Variants in CGNL1 observed in about 807,000 individuals in gnomAD.
The protein encoded by CGNL1 is cingulin like 1, also known as cingulin-like protein 1.
CGNL1 carries 132 observed loss-of-function variants against 141.2 expected under a neutral mutation model. The ratio of observed to expected loss-of-function variants is 0.93; its 90% CI spans 0.81 to 1.08. The LOEUF (loss-of-function observed/expected upper bound fraction) is 1.08. Among genes scored for constraint, CGNL1 ranks in the 50% least tolerant of loss-of-function variants. The probability of loss-of-function intolerance (pLI) is 0.00; values close to 1 mark genes in which losing one functional copy is unlikely to be tolerated. For synonymous variants in CGNL1, 690 were observed against 622.1 expected (o/e 1.11, Z -1.63); for missense variants, 1,870 against 1,588.6 (o/e 1.18, Z -3.01).
chr15:57,452,077 G>C lies in CGNL1; in HGVS notation c.1906-64G>C, dbSNP rs545196070. 17 of 1,426,442 alleles carry C rather than the reference G, an allele frequency of 1.2e-5. No homozygotes were observed. The East Asian group carries it at 4.0e-4, about 34-fold the overall frequency. The allele number at this position is 1,426,442 out of a possible 1,614,324, so 88.4% of individuals were successfully genotyped here. A position where few individuals can be genotyped will look rare whatever the true frequency, so the allele number is the denominator to read the frequency against. Reference sequence around the variant, plus strand: ...TATGGAGTCTGCTTGTTGAGAAGTAGGCTTCTGTGGGGTTACGTTAATGTA... The same window carrying C: ...TATGGAGTCTGCTTGTTGAGAAGTACGCTTCTGTGGGGTTACGTTAATGTA... On this transcript the variant is annotated intron_variant, in intron 5 of 18. Transcript: ENST00000281282.
At chr15:57,448,519 G>A (rs1017688948) in intron 4 of CGNL1, among the ~76,000 whole-genome samples, 2 of 151,980 alleles carry the variant, frequency 1.3e-5, no homozygotes, top group East Asian at 1.9e-4. Flanking sequence ...GTGATGGTGC[G>A]CACCTGTAAC....
chr15:57,476,019 T>G (rs1763027237), intron 8 of CGNL1, among the ~76,000 whole-genome samples: 1 of 152,126 alleles, frequency 6.6e-6, no homozygotes, highest in Admixed American at 6.5e-5. Flanking sequence ...TTTTGTTTGT[T>G]TACTCAACAC....
At chr15:57,526,086 A>T (rs1312504322) in intron 12 of CGNL1, among the ~76,000 whole-genome samples, 1 of 151,980 alleles carries the variant, frequency 6.6e-6, no homozygotes, top group Non-Finnish European at 1.5e-5. Context: ...AAACATAGAG[A>T]TCCTCTAGTT....
intron 8 of CGNL1, among the ~76,000 whole-genome samples, chr15:57,480,008 G>C (rs1176159570): frequency 6.6e-6 from 1 of 152,202 alleles, no homozygotes; most frequent in Non-Finnish European, 1.5e-5. Context: ...TTCTGCTCCA[G>C]GAATTTTGGC....
intron 8 of CGNL1, among the ~76,000 whole-genome samples, chr15:57,497,843 G>C (rs191968888): frequency 6.6e-6 from 1 of 152,232 alleles, no homozygotes; most frequent in Non-Finnish European, 1.5e-5. Context: ...AAGCCCAGCT[G>C]TTGTATAGGG....
intron 1 of CGNL1, among the ~76,000 whole-genome samples, chr15:57,430,958 G>A (rs1476191718): frequency 1.3e-5 from 2 of 152,116 alleles, no homozygotes; most frequent in African/African-American, 4.8e-5. Flanking sequence ...CTGGCCGCAG[G>A]TGATCAACCT....
chr15:57,461,762 G>A lies in CGNL1; in HGVS notation c.2273G>A (p.Arg758His), dbSNP rs745386445. Residue 758 changes from arginine (R) to histidine (H), a missense_variant, in exon 8 of 19, where the codon CGT becomes CAT. Physicochemically the swap from Arg to His is conservative, Grantham distance 29. Transcript: ENST00000281282. ...GAAGACCTCTTGAGAAAGCGAGAGC[G>A]TGAACTCACCGCCCTGAAGGGAGCC... ...EQEDLLRKRERELTALKGALK... is the reference protein window; with the variant it reads ...EQEDLLRKREHELTALKGALK... The A allele has an allele frequency of 2.6e-5, 42 of 1,613,994 alleles. No individual in the cohort carries two copies. Among genetic ancestry groups the A allele is most frequent in the East Asian group, 4.5e-5 (2 of 44,874 alleles).
intron 18 of CGNL1, 112 bp from the exon 19 acceptor site, chr15:57,547,243 T>C (rs2032917407): frequency 1.7e-6 from 2 of 1,195,892 alleles, no homozygotes; most frequent in Admixed American, 4.4e-5. Context: ...GTTTCTTTTC[T>C]GTGCCACTCA....
At chr15:57,378,298 C>G (rs935437852) in intron 1 of CGNL1, among the ~76,000 whole-genome samples, 5 of 150,268 alleles carry the variant, frequency 3.3e-5, no homozygotes, top group Admixed American at 3.3e-4. Context: ...AATTTCCACC[C>G]TGATGTTGCT....
chr15:57,379,272 T>C (rs2062400636), intron 1 of CGNL1, among the ~76,000 whole-genome samples: 1 of 152,170 alleles, frequency 6.6e-6, no homozygotes, highest in Non-Finnish European at 1.5e-5. Flanking sequence ...TTTATGTAAA[T>C]GTGGGCCTAA....
At chr15:57,408,124 C>T (rs965813988) in intron 1 of CGNL1, among the ~76,000 whole-genome samples, 1 of 152,092 alleles carries the variant, frequency 6.6e-6, no homozygotes, top group Middle Eastern at 3.2e-3. Flanking sequence ...AGTTAAGTGA[C>T]CTGACTAAAT....
intron 12 of CGNL1, 45 bp downstream of exon 12, chr15:57,524,796 G>A (rs1185256975): frequency 4.4e-6 from 7 of 1,588,942 alleles, no homozygotes; most frequent in Non-Finnish European, 6.0e-6. Flanking sequence ...CTTATTCAAA[G>A]TATCCTTTGC....
intron 4 of CGNL1, among the ~76,000 whole-genome samples, chr15:57,445,351 G>A (rs2063237853): frequency 6.6e-6 from 1 of 152,210 alleles, no homozygotes; most frequent in Admixed American, 6.5e-5. Flanking sequence ...ACAGCTCCAT[G>A]ACTGTTTAAT....
At chr15:57,525,461 A>T (rs1214199376) in intron 12 of CGNL1, among the ~76,000 whole-genome samples, 2 of 152,358 alleles carry the variant, frequency 1.3e-5, no homozygotes, top group East Asian at 3.9e-4. Context: ...ACTTAACCCC[A>T]GTTTTCTGAG....
chr15:57,519,924 T>A (rs4774949), intron 10 of CGNL1, among the ~76,000 whole-genome samples: 137,797 of 152,276 alleles, frequency 0.9, 63,295 homozygotes, highest in Non-Finnish European at 0.99. Context: ...CCCTGCTGGG[T>A]ATCTGCGCTC....
At chr15:57,484,052 T>C (rs2063758670) in intron 8 of CGNL1, among the ~76,000 whole-genome samples, 1 of 152,210 alleles carries the variant, frequency 6.6e-6, no homozygotes, top group Non-Finnish European at 1.5e-5. Flanking sequence ...CTTATAGTCC[T>C]TTTTTCATGT....
At position 57,439,316 on chromosome 15, in the gene CGNL1, C is replaced by T. The variant is rs1422602440; in HGVS notation, c.1317C>T (p.Ser439=). The T allele has an allele frequency of 2.5e-6, 4 of 1,614,092 alleles. No homozygotes were observed. Among genetic ancestry groups the T allele is most frequent in the Non-Finnish European group, 3.4e-6 (4 of 1,180,036 alleles). The change falls in exon 2 of 19, where the codon AGC becomes AGT. Residue 439 remains serine, a synonymous_variant. Transcript: ENST00000281282. The part of the protein sequence containing the change: ...PLSQERRGKQ[S]VGRTFAKLQG... The stretch of plus-strand genomic sequence containing the variant: ...CTCAGGAGCGCCGTGGGAAACAGAG[C>T]GTGGGCCGCACCTTTGCAAAGCTGC...
rs556985888 is a variant in CGNL1, at chr15:57,381,389, G to A, written c.-16+4822G>A. Among the ~76,000 whole-genome samples, 3 of 152,162 alleles carry A rather than the reference G, an allele frequency of 2.0e-5. No individual in the cohort carries two copies. The South Asian group carries it at 6.2e-4, about 32-fold the overall frequency. ...AGCCTGGACAACATGCTGAAATACC[G>A]CCTCTACAAAAAAATACAGAAATTA... On this transcript the variant is annotated intron_variant, in intron 1 of 18. Coordinates refer to ENST00000281282, the MANE Select transcript of CGNL1 (RefSeq NM_032866.5).
chr15:57,436,990 G>GA lies in CGNL1; in HGVS notation c.-15-984dup, dbSNP rs879695694. On this transcript the variant is annotated intron_variant, in intron 1 of 18. Transcript: ENST00000281282. ...AAACTCAAAAAGTCTCTCAAAAGTG[G>GA]AAAAAAAAAAAGACAACTGTTATTT... Among the ~76,000 whole-genome samples the GA allele has an allele frequency of 1.6e-3, 231 of 145,448 alleles. 1 individual carries two copies. The highest frequency in any genetic ancestry group is 3.9e-3 in the African/African-American group (154 of 39,920).
Sources: gnomAD v4.1 joint callset for allele counts (sites outside exome capture counted in the v4.1 genomes callset) on GRCh38, gnomAD v4.1.1 for gene constraint, MANE v1.5 for transcripts, NCBI Gene and HGNC (gene_info 2026-07-23, HGNC 2026-07-21) for gene names.